The following MTMR1 variants were observed in gnomAD, a reference collection of about 807,000 sequenced individuals.
MTMR1 encodes myotubularin related protein 1.
Under a neutral mutation model 51.6 loss-of-function variants are expected in MTMR1, and 17 were observed. The observed-to-expected ratio is 0.33, with a 90% CI of 0.23 to 0.49. MTMR1 has a LOEUF of 0.49. Among genes scored for constraint, MTMR1 ranks in the 20% least tolerant of loss-of-function variants. The probability of loss-of-function intolerance (pLI) is 0.99; values close to 1 mark genes in which losing one functional copy is unlikely to be tolerated. For synonymous variants in MTMR1, 201 were observed against 205.6 expected, an observed-to-expected ratio of 0.98 and a Z score of 0.19; for missense variants, 386 against 526.9, an observed-to-expected ratio of 0.73 and a Z score of 2.62.
intron 13 of MTMR1, among the ~76,000 whole-genome samples, chrX:150,747,279 C>T (rs1210575013): frequency 1.8e-5 from 2 of 109,254 alleles, no homozygotes; most frequent in Admixed American, 2.0e-4. Context: ...TGAGACACCC[C>T]ATCTCTTCAA....
chrX:150,708,290 A>C (rs1211899312), intron 2 of MTMR1, among the ~76,000 whole-genome samples: 1 of 112,028 alleles, frequency 8.9e-6, no homozygotes, highest in East Asian at 2.8e-4. Flanking sequence ...CAATGATCCC[A>C]AAATTTAAAG....
intron 15 of MTMR1, 89 bp downstream of exon 15, chrX:150,755,954 TATTAA>T: frequency 1.3e-6 from 1 of 766,867 alleles, no homozygotes; most frequent in Non-Finnish European, 1.9e-6. Context: ...TAATGGTAGA[TATTAA>T]CATACCATAC....
intron 4 of MTMR1, among the ~76,000 whole-genome samples, chrX:150,723,683 A>C (rs2041829652): frequency 8.9e-6 from 1 of 111,933 alleles, no homozygotes; most frequent in Non-Finnish European, 1.9e-5. Flanking sequence ...CCCAGATACT[A>C]GGCCTAGAAC....
intron 2 of MTMR1, among the ~76,000 whole-genome samples, chrX:150,710,613 G>T (rs2041275443): frequency 8.9e-6 from 1 of 111,883 alleles, no homozygotes. Context: ...CACTTGCCTC[G>T]GCCTCCCAAA....
chrX:150,699,337 G>T, intron 2 of MTMR1, 37 bp downstream of exon 2: 1 of 992,897 alleles, frequency 1.0e-6, no homozygotes. Flanking sequence ...TTTTCAGTAT[G>T]CTAAGTAGCC....
chrX:150,738,905 G>T (rs1317274218), intron 12 of MTMR1, among the ~76,000 whole-genome samples: 1 of 112,013 alleles, frequency 8.9e-6, no homozygotes, highest in Non-Finnish European at 1.9e-5. Context: ...CATCTGATGG[G>T]GCATTCTTGG....
chrX:150,713,846 T>C (rs782278322), intron 3 of MTMR1, among the ~76,000 whole-genome samples: 3 of 111,185 alleles, frequency 2.7e-5, no homozygotes, highest in Non-Finnish European at 3.8e-5. Flanking sequence ...TAATATGATA[T>C]TGAGTTATAA....
chrX:150,760,602 G>C lies in MTMR1; in HGVS notation c.1858-1963G>C, dbSNP rs73622497. Among the ~76,000 whole-genome samples, 517 of 111,831 alleles carry C rather than the reference G, an allele frequency of 4.6e-3. 4 individuals are homozygous for C. The highest frequency in any genetic ancestry group is 0.015 in the African/African-American group (471 of 30,762). ...AGCCTCCGAGTTTTCTATTCCTTCA[G>C]GCATGCCCTTGATTTGTTGCAAATG... On this transcript the variant is annotated intron_variant, in intron 15 of 15. Coordinates refer to ENST00000445323, the MANE Select transcript of MTMR1 (RefSeq NM_001306144.3).
rs782552422 is a variant in MTMR1 at position 150,730,251 on chromosome X, G to A, written c.657+41G>A. ...TAAACCTTTTCTGCATGCATTTGTG[G>A]GGGTCCAAATATCCTATGTTTAATT... On this transcript the variant is annotated intron_variant, in intron 7 of 15. Coordinates refer to ENST00000445323, the MANE Select transcript of MTMR1 (RefSeq NM_001306144.3). The A allele has an allele frequency of 4.2e-6, 4 of 952,868 alleles. No homozygotes were observed. The East Asian group carries it at 1.3e-4, about 31-fold the overall frequency. The allele number at this position is 952,868 out of a possible 1,213,427, so 78.5% of individuals were successfully genotyped here.
chrX:150,761,540 C>G (rs939626817), intron 15 of MTMR1, among the ~76,000 whole-genome samples: 3 of 112,923 alleles, frequency 2.7e-5, no homozygotes, highest in African/African-American at 9.6e-5. Context: ...CTCGAGGCCC[C>G]TCTCAGGGCA....
rs782116862 is a variant in MTMR1 at position 150,756,508 on chromosome X, C to T, written c.1857+643C>T. Among the ~76,000 whole-genome samples the T allele has an allele frequency of 7.8e-3, 866 of 111,530 alleles. 5 individuals are homozygous for T. The highest frequency in any genetic ancestry group is 0.014 in the Middle Eastern group (3 of 216). ...GGGCTCCCCACATCCTCCACTGTGT[C>T]GTGGTTTGGATTCAGTCCTGCCCCG... On this transcript the variant is annotated intron_variant, in intron 15 of 15. Transcript: ENST00000445323.
chrX:150,735,462 A>G, intron 10 of MTMR1: 1 of 502,342 alleles, frequency 2.0e-6, no homozygotes, highest in Non-Finnish European at 3.5e-6. Context: ...GTCTTTGTCT[A>G]GCTTTGGTAT....
chrX:150,701,862 A>G (rs2040919152), intron 2 of MTMR1, among the ~76,000 whole-genome samples: 1 of 111,362 alleles, frequency 9.0e-6, no homozygotes, highest in African/African-American at 3.3e-5. Context: ...CTTCTTTAAA[A>G]AAGTCCATTG....
chrX:150,759,846 C>T (rs782442702), intron 15 of MTMR1, among the ~76,000 whole-genome samples: 7 of 109,450 alleles, frequency 6.4e-5, no homozygotes, highest in South Asian at 3.7e-4. Context: ...AGCAATTCCA[C>T]GACGTAGAGA....
At chrX:150,698,634 C>T (rs1569565617) in intron 1 of MTMR1, among the ~76,000 whole-genome samples, 1 of 104,683 alleles carries the variant, frequency 9.6e-6, no homozygotes, top group Non-Finnish European at 1.9e-5. Context: ...CCCAGGAATT[C>T]GAGACTAGCC....
At chrX:150,751,031 C>T (rs1557417584) in intron 14 of MTMR1, 188 bp downstream of exon 14, 1 of 1,159,747 alleles carries the variant, frequency 8.6e-7, no homozygotes, top group Non-Finnish European at 1.2e-6. Context: ...CCTTTCTAGG[C>T]ATGGGGGGCT....
At chrX:150,730,236 C>T (rs2042073254) in intron 7 of MTMR1, 26 bp downstream of exon 7, 1 of 1,043,092 alleles carries the variant, frequency 9.6e-7, no homozygotes, top group African/African-American at 1.9e-5. Flanking sequence ...TAAACCTTTT[C>T]TGCATGCATT....
intron 4 of MTMR1, among the ~76,000 whole-genome samples, chrX:150,719,147 G>A (rs1167766541): frequency 1.8e-5 from 2 of 111,743 alleles, no homozygotes; most frequent in African/African-American, 3.3e-5. Context: ...TTGCCATCCT[G>A]GCTTTTAAAG....
Position 150,732,558 on chromosome X carries a change from A to T in MTMR1, c.908A>T (p.His303Leu), listed in dbSNP as rs2042149948. 1 of 1,206,776 alleles carries T rather than the reference A, an allele frequency of 8.3e-7. No homozygotes were observed. The highest frequency in any genetic ancestry group is 1.8e-5 in the African/African-American group (1 of 57,082). The change falls in exon 10 of 16, where the codon CAT becomes CTT. Residue 303 changes from histidine (H) to leucine (L), a missense_variant. By Grantham distance (99) the His-to-Leu change is moderately conservative. Transcript: ENST00000445323. ...AAACACTAGGTGTTGTCATGGATTC[A>T]TCCGGAAAGTCAAGCAACGATTACC... ...KGRVPVLSWIHPESQATITRC... is the reference protein window; with the variant it reads ...KGRVPVLSWILPESQATITRC...
Sources: gnomAD v4.1 joint callset for allele counts (sites outside exome capture counted in the v4.1 genomes callset) on GRCh38, gnomAD v4.1.1 for gene constraint, MANE v1.5 for transcripts, NCBI Gene and HGNC (gene_info 2026-07-23, HGNC 2026-07-21) for gene names.